The following LNX2 variants were observed in gnomAD, a reference collection of about 807,000 sequenced individuals.
The protein encoded by LNX2 is ligand of numb-protein X 2.
Under a neutral mutation model 66.2 loss-of-function variants are expected in LNX2, and 35 were observed. The ratio of observed to expected loss-of-function variants is 0.53; its 90% CI spans 0.40 to 0.70. LNX2 has a LOEUF of 0.70. Ranked by LOEUF, LNX2 falls within the 30% of genes least tolerant of loss-of-function variation. LNX2 has a pLI of 0.00. For missense variants in LNX2, 791 were observed against 850.8 expected (o/e 0.93, Z 0.87); for synonymous variants, 337 against 315.6 (o/e 1.07, Z -0.72).
intron 1 of LNX2, among the ~76,000 whole-genome samples, chr13:27,597,806 T>C (rs1955615791): frequency 6.6e-6 from 1 of 152,166 alleles, no homozygotes; most frequent in East Asian, 1.9e-4. Flanking sequence ...TAAGAAAAGG[T>C]GTTAGCATAC....
At chr13:27,555,692 T>C (rs1462393703) in intron 7 of LNX2, among the ~76,000 whole-genome samples, 1 of 152,204 alleles carries the variant, frequency 6.6e-6, no homozygotes, top group Non-Finnish European at 1.5e-5. Context: ...CCTGGAAAAA[T>C]AGGTTTTCAG....
At chr13:27,608,448 A>G (rs1217266517) in intron 1 of LNX2, among the ~76,000 whole-genome samples, 1 of 152,220 alleles carries the variant, frequency 6.6e-6, no homozygotes, top group Non-Finnish European at 1.5e-5. Flanking sequence ...AAGAATTATA[A>G]CTGGTGGGAT....
At chr13:27,597,535 G>C (rs1284911873) in intron 1 of LNX2, among the ~76,000 whole-genome samples, 1 of 152,142 alleles carries the variant, frequency 6.6e-6, no homozygotes, top group African/African-American at 2.4e-5. Flanking sequence ...GAGAGTCTGA[G>C]GGCTGGACTA....
chr13:27,608,512 A>G (rs1272622886), intron 1 of LNX2, among the ~76,000 whole-genome samples: 1 of 152,206 alleles, frequency 6.6e-6, no homozygotes, highest in East Asian at 1.9e-4. Context: ...TTTCTACATT[A>G]AGCATGTATT....
At chr13:27,568,251 CGTA>C (rs1344579597) in intron 3 of LNX2, among the ~76,000 whole-genome samples, 3 of 152,116 alleles carry the variant, frequency 2.0e-5, no homozygotes, top group Non-Finnish European at 4.4e-5. Context: ...ACATCAAGCT[CGTA>C]AGAAGAGGTG....
chr13:27,609,434 G>A (rs913456567), intron 1 of LNX2, among the ~76,000 whole-genome samples: 4 of 152,146 alleles, frequency 2.6e-5, no homozygotes, highest in Non-Finnish European at 4.4e-5. Context: ...GGGTTTACAG[G>A]CGTGAGCCAC....
chr13:27,583,964 A>T (rs1009989585), intron 1 of LNX2, among the ~76,000 whole-genome samples: 1 of 152,220 alleles, frequency 6.6e-6, no homozygotes, highest in African/African-American at 2.4e-5. Flanking sequence ...AGGAAGTATC[A>T]GCCAGAGAGA....
At chr13:27,548,928 T>A (rs1593235503) in intron 9 of LNX2, among the ~76,000 whole-genome samples, 1 of 152,232 alleles carries the variant, frequency 6.6e-6, no homozygotes, top group South Asian at 2.1e-4. Flanking sequence ...AGCAGAATTA[T>A]TATGGATGGA....
intron 1 of LNX2, among the ~76,000 whole-genome samples, chr13:27,609,707 C>T (rs1955754055): frequency 6.6e-6 from 1 of 152,080 alleles, no homozygotes; most frequent in Non-Finnish European, 1.5e-5. Context: ...AATAACAGTA[C>T]TCAAGATTTT....
intron 1 of LNX2, among the ~76,000 whole-genome samples, chr13:27,592,312 T>C (rs1022982694): frequency 2.0e-5 from 3 of 152,140 alleles, no homozygotes; most frequent in African/African-American, 4.8e-5. Context: ...GTAGAACCAA[T>C]ACAGTTTGCT....
chr13:27,576,562 C>CAAA (rs35339735), intron 2 of LNX2, among the ~76,000 whole-genome samples: 3 of 141,194 alleles, frequency 2.1e-5, no homozygotes, highest in African/African-American at 7.8e-5. Flanking sequence ...ACTAAAAGCA[C>CAAA]AAAAAAAAAA....
chr13:27,614,103 AT>A (rs1260792367), intron 1 of LNX2, among the ~76,000 whole-genome samples: 1 of 152,238 alleles, frequency 6.6e-6, no homozygotes, highest in Non-Finnish European at 1.5e-5. Context: ...AACCAAGCTA[AT>A]TTTGGGAGAA....
At chr13:27,583,616 C>A (rs1364770064) in intron 1 of LNX2, among the ~76,000 whole-genome samples, 1 of 152,068 alleles carries the variant, frequency 6.6e-6, no homozygotes, top group East Asian at 1.9e-4. Context: ...CAGGAATGCT[C>A]CCCTCATCTA....
intron 2 of LNX2, among the ~76,000 whole-genome samples, chr13:27,575,916 T>C (rs1955335975): frequency 6.6e-6 from 1 of 151,570 alleles, no homozygotes; most frequent in African/African-American, 2.4e-5. Flanking sequence ...ATGGAAGAAA[T>C]GGAGGAAAAA....
chr13:27,562,689 T>C lies in LNX2; in HGVS notation c.948A>G (p.Arg316=). ...GTGCTCGGTTGCCAAAGCGCCTCTC[T>C]CGAAGCACAGTAAGATGCAGTGTGT... ...PCNTLHLTVL[R]ERRFGNRAHN... The change falls in exon 5 of 10, where the codon CGA becomes CGG. Residue 316 remains arginine, a synonymous_variant. Coordinates refer to ENST00000316334, the MANE Select transcript of LNX2 (RefSeq NM_153371.4). The C allele has an allele frequency of 6.2e-7, 1 of 1,614,120 alleles. No individual in the cohort carries two copies. The highest frequency in any genetic ancestry group is 8.5e-7 in the Non-Finnish European group (1 of 1,180,010).
At position 27,548,413 on chromosome 13, in the gene LNX2, A is replaced by T; in HGVS notation, c.1995T>A (p.Ser665=). Residue 665 remains serine (S), a synonymous_variant, in exon 10 of 10, where the codon TCT becomes TCA. Transcript: ENST00000316334. ...NGLSTVGMSH[S]ALVPMLKEQR... is the part of the protein sequence containing the mutation. ...GCTCCTTCAACATGGGAACTAGTGC[A>T]GAGTGGCTCATGCCCACGGTTGACA... is the stretch of plus-strand genomic sequence containing the variant. 2 of 1,614,198 alleles carry T rather than the reference A, an allele frequency of 1.2e-6. No individual in the cohort carries two copies. Among genetic ancestry groups the T allele is most frequent in the Non-Finnish European group, 1.7e-6 (2 of 1,180,016 alleles).
At chr13:27,601,402 AT>A (rs1443278527) in intron 1 of LNX2, among the ~76,000 whole-genome samples, 3 of 152,198 alleles carry the variant, frequency 2.0e-5, no homozygotes, top group African/African-American at 7.2e-5. Context: ...AAACCACATG[AT>A]TTATAACACC....
At position 27,583,207 on chromosome 13, in the gene LNX2, T is replaced by TGCGCGCGCGC. The variant is rs1566124662; in HGVS notation, c.-100-1405_-100-1404insGCGCGCGCGC. On this transcript the variant is annotated intron_variant, in intron 1 of 9. Transcript: ENST00000316334. ...GTGTGTGTGTGTGTGTGTGTGTGTGTGTGTGTGTGTGTGTGTGTGTGTGTG... is the reference window on the plus strand; with the variant it reads ...GTGTGTGTGTGTGTGTGTGTGTGTGTGCGCGCGCGCGTGTGTGTGTGTGTGTGTGTGTGTG... Among the ~76,000 whole-genome samples the TGCGCGCGCGC allele has an allele frequency of 1.1e-3, 26 of 24,304 alleles. 3 individuals carry two copies. Among genetic ancestry groups the TGCGCGCGCGC allele is most frequent in the African/African-American group, 3.6e-3 (19 of 5,238 alleles). 15.9% of individuals were successfully genotyped at this position (24,304 alleles called of 152,430 possible). A position where few individuals can be genotyped will look rare whatever the true frequency, so the allele number is the denominator to read the frequency against.
At chr13:27,587,705 G>C (rs182445439) in intron 1 of LNX2, among the ~76,000 whole-genome samples, 1 of 152,312 alleles carries the variant, frequency 6.6e-6, no homozygotes, top group East Asian at 1.9e-4. Flanking sequence ...TCACATATCA[G>C]CTTTGATAGC....
Sources: allele counts gnomAD v4.1 joint callset (sites outside exome capture counted in the v4.1 genomes callset), GRCh38; gene constraint gnomAD v4.1.1; transcripts MANE v1.5; gene names NCBI Gene and HGNC (gene_info 2026-07-23, HGNC 2026-07-21).